SEMA6D: variants seen among roughly 807,000 people sequenced by gnomAD.
The protein encoded by SEMA6D is semaphorin-6D.
Under a neutral mutation model 106.6 loss-of-function variants are expected in SEMA6D, and 35 were observed. That is an observed-to-expected ratio of 0.33 (90% CI 0.25 to 0.44). The LOEUF (loss-of-function observed/expected upper bound fraction) is 0.44, where lower values mean the gene tolerates loss of function less well. Ranked by LOEUF, SEMA6D falls within the 20% of genes least tolerant of loss-of-function variation. The pLI is 1.00. For synonymous variants in SEMA6D, 499 were observed against 487.7 expected (o/e 1.02, Z -0.31); for missense variants, 1,185 against 1,345.9 (o/e 0.88, Z 1.87).
chr15:47,509,689 A>T (rs1356869566), intron 3 of SEMA6D, among the ~76,000 whole-genome samples: 1 of 152,246 alleles, frequency 6.6e-6, no homozygotes, highest in Admixed American at 6.5e-5. Context: ...TAAAATAAAA[A>T]GATGAAAATA....
At chr15:47,240,543 A>G (rs1177465623) in intron 1 of SEMA6D, among the ~76,000 whole-genome samples, 1 of 152,118 alleles carries the variant, frequency 6.6e-6, no homozygotes, top group Non-Finnish European at 1.5e-5. Flanking sequence ...CAACTTCAGC[A>G]TTTAGTCTCT....
At chr15:47,562,356 A>G (rs2046105782) in intron 3 of SEMA6D, among the ~76,000 whole-genome samples, 1 of 152,086 alleles carries the variant, frequency 6.6e-6, no homozygotes, top group Non-Finnish European at 1.5e-5. Context: ...ATTCTAGGAG[A>G]AAACTTATGA....
intron 4 of SEMA6D, among the ~76,000 whole-genome samples, chr15:47,688,185 A>G (rs2078510600): frequency 6.6e-6 from 1 of 152,182 alleles, no homozygotes; most frequent in Non-Finnish European, 1.5e-5. Context: ...TGACAGTGTG[A>G]TGATAGTATG....
intron 4 of SEMA6D, among the ~76,000 whole-genome samples, chr15:47,700,906 A>C (rs1912645): frequency 0.91 from 139,246 of 152,196 alleles, 64,318 homozygotes; most frequent in Middle Eastern, 0.96. Flanking sequence ...AACTGGATAC[A>C]CACTTGGAAA....
chr15:47,397,662 C>A (rs1054555945), intron 1 of SEMA6D: 7 of 152,102 alleles, frequency 4.6e-5, no homozygotes, highest in Non-Finnish European at 1.0e-4. Flanking sequence ...ACCTGTTTTC[C>A]ATGCTTTCTG....
chr15:47,737,273 T>C (rs192760120), intron 1 of SEMA6D, among the ~76,000 whole-genome samples: 52 of 152,286 alleles, frequency 3.4e-4, no homozygotes, highest in Admixed American at 1.3e-3. Context: ...TCATATCCCA[T>C]AGGACCCCAG....
chr15:47,293,611 C>T (rs1595662760), intron 1 of SEMA6D, among the ~76,000 whole-genome samples: 2 of 152,084 alleles, frequency 1.3e-5, no homozygotes, highest in Admixed American at 6.5e-5. Context: ...TTGAGAAGGG[C>T]GATGTGTATA....
intron 1 of SEMA6D, among the ~76,000 whole-genome samples, chr15:47,357,928 G>A (rs2038653571): frequency 6.6e-6 from 1 of 152,136 alleles, no homozygotes; most frequent in Admixed American, 6.5e-5. Context: ...TTTTGGTGGG[G>A]AATTCTTATC....
chr15:47,277,389 T>C (rs543413306), intron 1 of SEMA6D, among the ~76,000 whole-genome samples: 2 of 151,984 alleles, frequency 1.3e-5, no homozygotes, highest in East Asian at 1.9e-4. Context: ...GCAAACTTCA[T>C]TGTTGTCTTA....
At chr15:47,495,591 C>A (rs1358174475) in intron 3 of SEMA6D, among the ~76,000 whole-genome samples, 4 of 151,964 alleles carry the variant, frequency 2.6e-5, no homozygotes, top group African/African-American at 9.7e-5. Flanking sequence ...AAGGAACATT[C>A]TAAAACTTCT....
intron 4 of SEMA6D, among the ~76,000 whole-genome samples, chr15:47,620,624 T>A (rs769763571): frequency 9.9e-5 from 15 of 152,094 alleles, no homozygotes; most frequent in Non-Finnish European, 1.5e-4. Context: ...TGTGTCATGA[T>A]CTAGTGGGTA....
intron 4 of SEMA6D, among the ~76,000 whole-genome samples, chr15:47,634,052 T>C (rs549935933): frequency 2.0e-5 from 3 of 152,340 alleles, no homozygotes; most frequent in African/African-American, 7.2e-5. Context: ...TGTAATTACT[T>C]GTTGAAGCAT....
chr15:47,412,105 C>T (rs777320219), intron 1 of SEMA6D, among the ~76,000 whole-genome samples: 41 of 152,018 alleles, frequency 2.7e-4, no homozygotes, highest in Non-Finnish European at 5.0e-4. Flanking sequence ...TTTATTAAAA[C>T]TCCCTAGGCA....
chr15:47,761,834 T>C, intron 7 of SEMA6D, 83 bp downstream of exon 7: 1 of 1,151,074 alleles, frequency 8.7e-7, no homozygotes. Context: ...TAAAAGTTAA[T>C]AACTTGGATA....
chr15:47,735,087 T>C (rs940538108), intron 1 of SEMA6D, among the ~76,000 whole-genome samples: 2 of 152,210 alleles, frequency 1.3e-5, no homozygotes, highest in Admixed American at 6.5e-5. Context: ...CTTAAAACTC[T>C]AATATACAAA....
rs1012497372 is a variant in SEMA6D at position 47,484,441 on chromosome 15, C to T, written c.-87+13896C>T. 4.3e-5 allele frequency among the ~76,000 whole-genome samples: 6 copies of T among 139,862 alleles called. No individual in the cohort carries two copies. In the East Asian group the frequency reaches 8.7e-4, roughly 20 times the overall value. The allele number at this position is 139,862 out of a possible 152,430, so 91.8% of individuals were successfully genotyped here. The stretch of plus-strand genomic sequence containing the variant: ...GGCAAGGCTATTTCTGTGGTACTTT[C>T]GAAACACCTCCTATGTAACATCACA... On this transcript the variant is annotated intron_variant, in intron 3 of 19. Coordinates refer to the SEMA6D transcript ENST00000558014.
chr15:47,322,809 G>C (rs1286773981), intron 1 of SEMA6D, among the ~76,000 whole-genome samples: 3 of 152,098 alleles, frequency 2.0e-5, no homozygotes, highest in Non-Finnish European at 2.9e-5. Flanking sequence ...TGGTGATTTT[G>C]TATTTCCCTC....
chr15:47,268,452 T>A (rs2034419884), intron 1 of SEMA6D, among the ~76,000 whole-genome samples: 1 of 152,178 alleles, frequency 6.6e-6, no homozygotes, highest in African/African-American at 2.4e-5. Flanking sequence ...TTCTGTAATC[T>A]GCAAGTGAGT....
chr15:47,184,503 G>C (rs1893402255), intron 1 of SEMA6D: 1 of 152,126 alleles, frequency 6.6e-6, no homozygotes, highest in African/African-American at 2.4e-5. Context: ...CGGAGGTTCT[G>C]CGCGAAAAGC....
Sources: gnomAD v4.1 joint callset for allele counts (sites outside exome capture counted in the v4.1 genomes callset) on GRCh38, gnomAD v4.1.1 for gene constraint, MANE v1.5 for transcripts, NCBI Gene and HGNC (gene_info 2026-07-23, HGNC 2026-07-21) for gene names.